Variants in MICAL2 observed in about 807,000 individuals in gnomAD.
The protein encoded by MICAL2 is [F-actin]-monooxygenase MICAL2.
In MICAL2, 77 loss-of-function variants were observed where a neutral mutation model predicts 127.3. The observed-to-expected ratio is 0.60, with a 90% CI of 0.50 to 0.73. The LOEUF (loss-of-function observed/expected upper bound fraction) is 0.73, where lower values mean the gene tolerates loss of function less well. MICAL2 is among the 30% of genes least tolerant of loss of function. The pLI, the probability that MICAL2 is intolerant of heterozygous loss-of-function variation, is 0.00. For synonymous variants in MICAL2, 570 were observed against 551.1 expected (o/e 1.03, Z -0.48); for missense variants, 1,351 against 1,434.4 (o/e 0.94, Z 0.94).
downstream of MICAL2, among the ~76,000 whole-genome samples, chr11:12,296,492 A>G (rs1278350661): frequency 6.7e-6 from 1 of 150,000 alleles, no homozygotes; most frequent in Non-Finnish European, 1.5e-5. Context: ...TAGATTATTT[A>G]ATAAACTACT....
chr11:12,121,858 A>G (rs1850536214), intron 1 of MICAL2, among the ~76,000 whole-genome samples: 1 of 152,178 alleles, frequency 6.6e-6, no homozygotes, highest in Non-Finnish European at 1.5e-5. Flanking sequence ...TATGTGATGG[A>G]ATAAATTGTT....
intron 1 of MICAL2, among the ~76,000 whole-genome samples, chr11:12,277,104 G>A (rs1345162280): frequency 6.6e-6 from 1 of 152,112 alleles, no homozygotes; most frequent in East Asian, 1.9e-4. Context: ...TAAGCCAGGT[G>A]CAGCTGGGCA....
intron 24 of MICAL2, chr11:12,257,191 C>T: frequency 2.0e-6 from 1 of 496,188 alleles, no homozygotes; most frequent in Non-Finnish European, 3.5e-6. Context: ...TGTGGTACGG[C>T]ATACCAGGTC....
chr11:12,339,828 C>T (rs1938830104), intron 32 of MICAL2, among the ~76,000 whole-genome samples: 1 of 152,152 alleles, frequency 6.6e-6, no homozygotes, highest in African/African-American at 2.4e-5. Flanking sequence ...GAGGAGTACC[C>T]AGCCTTGTGA....
At position 12,222,725 on chromosome 11, in the gene MICAL2, CTG is replaced by C; in HGVS notation, c.1435_1436del (p.Val479GlnfsTer12). The C allele has an allele frequency of 6.2e-7, 1 of 1,614,208 alleles. No homozygotes were observed. The highest frequency in any genetic ancestry group is 8.5e-7 in the Non-Finnish European group (1 of 1,180,030). On this transcript the variant is annotated frameshift_variant, in exon 11 of 28. Transcript: ENST00000683283. LOFTEE classifies it high-confidence loss of function. ...CACGGTACCCAAACCTCAACTCACA[CTG>C]TGTCAGGCCCCATCAGGCAAGTCCA... ...GTRYPNLNSH[C>X]VRPHQVKHLY...
At chr11:12,158,651 G>A (rs1419795485) in intron 2 of MICAL2, among the ~76,000 whole-genome samples, 1 of 152,222 alleles carries the variant, frequency 6.6e-6, no homozygotes, top group African/African-American at 2.4e-5. Flanking sequence ...GTATACGAGA[G>A]AATGTGTGTA....
chr11:12,317,679 C>A (rs972014404), intron 29 of MICAL2, among the ~76,000 whole-genome samples: 10 of 152,018 alleles, frequency 6.6e-5, no homozygotes, highest in African/African-American at 2.4e-4. Context: ...GTAATCCCAG[C>A]TACTCAGGAG....
intron 22 of MICAL2, among the ~76,000 whole-genome samples, chr11:12,251,803 G>C (rs141607287): frequency 6.6e-6 from 1 of 152,114 alleles, no homozygotes; most frequent in African/African-American, 2.4e-5. Context: ...CAACCTCGCA[G>C]CCCTCTGCAT....
chr11:12,259,762 A>T, intron 25 of MICAL2, 33 bp from the exon 26 acceptor site: 1 of 1,512,960 alleles, frequency 6.6e-7, no homozygotes, highest in Non-Finnish European at 8.9e-7. Context: ...GAAGACTTAC[A>T]GACAAATGCC....
intron 1 of MICAL2, among the ~76,000 whole-genome samples, chr11:12,132,316 A>T (rs1843546): frequency 0.38 from 58,247 of 151,976 alleles, 11,382 homozygotes; most frequent in African/African-American, 0.45. Context: ...TCAGATTTCT[A>T]TCTGGTCCAA....
intron 29 of MICAL2, among the ~76,000 whole-genome samples, chr11:12,298,493 GTTTCT>G (rs1343864246): frequency 6.6e-6 from 1 of 151,804 alleles, no homozygotes; most frequent in Non-Finnish European, 1.5e-5. Context: ...TGTCTCCCTG[GTTTCT>G]TTTGTTTCTA....
chr11:12,340,581 C>G (rs931215794), intron 32 of MICAL2, among the ~76,000 whole-genome samples: 3 of 152,148 alleles, frequency 2.0e-5, no homozygotes, highest in Admixed American at 6.5e-5. Flanking sequence ...AAGACACATA[C>G]AAGAATGCTC....
At chr11:12,338,052 G>A (rs1190314189) in intron 32 of MICAL2, among the ~76,000 whole-genome samples, 1 of 152,008 alleles carries the variant, frequency 6.6e-6, no homozygotes, top group Non-Finnish European at 1.5e-5. Context: ...TTGACAGTGG[G>A]GTGTTAAAGT....
At chr11:12,127,205 G>A (rs11022188) in intron 1 of MICAL2, among the ~76,000 whole-genome samples, 14,518 of 152,198 alleles carry the variant, frequency 0.095, 989 homozygotes, top group South Asian at 0.29. Flanking sequence ...TCTAGCTCCA[G>A]GACATTTCAG....
rs371223106 is a variant in MICAL2, at chr11:12,335,032, T to A, written c.5515+7766T>A. Among the ~76,000 whole-genome samples the A allele has an allele frequency of 2.9e-4, 44 of 151,992 alleles. 1 individual carries two copies. The highest frequency in any genetic ancestry group is 2.4e-4 in the African/African-American group (10 of 41,356). The stretch of plus-strand genomic sequence containing the variant: ...AGATCCCTGAGGAATCACCACACTG[T>A]CTTCCACAATGGTTGAACTAGTTTA... On this transcript the variant is annotated intron_variant, in intron 32 of 34. Transcript: ENST00000646065.
At chr11:12,293,137 G>T (rs1323705616), downstream of MICAL2, among the ~76,000 whole-genome samples, 1 of 152,196 alleles carries the variant, frequency 6.6e-6, no homozygotes, top group Admixed American at 6.5e-5. Flanking sequence ...ATACCTATGG[G>T]TGGATCATGC....
rs560090675 is a variant in MICAL2 at position 12,280,844 on chromosome 11, G to A, written c.88-89G>A. ...AAGCCCAGGCCCCCCAGGTGCGCTGGAGCAGTCCTGGGCAGGACGCAGTGT... is the reference window on the plus strand; with the variant it reads ...AAGCCCAGGCCCCCCAGGTGCGCTGAAGCAGTCCTGGGCAGGACGCAGTGT... On this transcript the variant is annotated intron_variant, in intron 1 of 2. Transcript: ENST00000529028. 1,425 of 398,022 alleles carry A rather than the reference G, an allele frequency of 3.6e-3. 4 individuals carry two copies. Among genetic ancestry groups the A allele is most frequent in the Middle Eastern group, 6.3e-3 (10 of 1,590 alleles). 24.7% of individuals were successfully genotyped at this position (398,022 alleles called of 1,614,324 possible).
intron 27 of MICAL2, chr11:12,262,870 G>A (rs574666802): frequency 4.0e-6 from 1 of 248,966 alleles, no homozygotes; most frequent in South Asian, 9.5e-5. Flanking sequence ...CCTTGATCAT[G>A]AAACAATACC....
chr11:12,311,227 T>G (rs558290967), intron 29 of MICAL2, among the ~76,000 whole-genome samples: 1 of 152,304 alleles, frequency 6.6e-6, no homozygotes, highest in African/African-American at 2.4e-5. Flanking sequence ...ATTTGAATGT[T>G]AAATCATTAT....
Sources: allele counts gnomAD v4.1 joint callset (sites outside exome capture counted in the v4.1 genomes callset), GRCh38; gene constraint gnomAD v4.1.1; transcripts MANE v1.5; gene names NCBI Gene and HGNC (gene_info 2026-07-23, HGNC 2026-07-21).